STK24: variants seen among roughly 807,000 people sequenced by gnomAD.
STK24 encodes serine/threonine kinase 24, also known as serine/threonine-protein kinase 24.
A neutral mutation model predicts 55.6 loss-of-function variants in STK24; 21 were observed. The observed-to-expected ratio is 0.38, with a 90% CI of 0.27 to 0.54. The LOEUF (loss-of-function observed/expected upper bound fraction) is 0.54. STK24 is among the 20% of genes least tolerant of loss of function. STK24 has a pLI of 0.79. For synonymous variants in STK24, 200 were observed against 215.2 expected (o/e 0.93, Z 0.62); for missense variants, 383 against 538.4 (o/e 0.71, Z 2.86).
At position 98,446,629 on chromosome 13, in the gene STK24, C is replaced by A. The variant is rs1225304259; in HGVS notation, c.*6544G>T. On this transcript the variant is annotated 3_prime_UTR_variant, in exon 11 of 11. Coordinates refer to ENST00000539966, the MANE Select transcript of STK24 (RefSeq NM_001032296.4). ...AGCCAGGCCCAGCAGCAGAAGCTGA[C>A]CCCGAAAAGCCACTTTGCTTTGTTT... The A allele has an allele frequency of 6.2e-7, 1 of 1,609,036 alleles. No homozygotes were observed. Among genetic ancestry groups the A allele is most frequent in the Non-Finnish European group, 8.5e-7 (1 of 1,176,408 alleles).
intron 1 of STK24, among the ~76,000 whole-genome samples, chr13:98,523,873 G>A (rs953901451): frequency 3.7e-4 from 57 of 152,310 alleles, no homozygotes; most frequent in African/African-American, 1.4e-3. Context: ...CCCAGCGGAG[G>A]CCCCGACGGC....
intron 7 of STK24, among the ~76,000 whole-genome samples, 182 bp downstream of exon 7, chr13:98,463,509 C>T (rs1392779697): frequency 2.6e-5 from 4 of 151,856 alleles, no homozygotes; most frequent in Non-Finnish European, 5.9e-5. Context: ...CCACCAGCAA[C>T]GTCAAGAGGC....
At chr13:98,494,835 G>A (rs770467126) in intron 2 of STK24, among the ~76,000 whole-genome samples, 23 of 152,176 alleles carry the variant, frequency 1.5e-4, no homozygotes, top group Non-Finnish European at 2.2e-4. Context: ...AAGGGCACCC[G>A]CACTGAGGCA....
chr13:98,566,037 G>A, intron 1 of STK24, among the ~76,000 whole-genome samples: 1 of 152,144 alleles, frequency 6.6e-6, no homozygotes, highest in Non-Finnish European at 1.5e-5. Context: ...CTCTCACGCA[G>A]ACAACCGCCA....
intron 1 of STK24, among the ~76,000 whole-genome samples, chr13:98,537,301 C>T (rs1186031038): frequency 1.3e-5 from 2 of 152,236 alleles, no homozygotes; most frequent in African/African-American, 4.8e-5. Flanking sequence ...CAAACACACA[C>T]ACCTCATCTG....
At chr13:98,502,380 G>A (rs956992935) in intron 2 of STK24, among the ~76,000 whole-genome samples, 5 of 152,110 alleles carry the variant, frequency 3.3e-5, no homozygotes, top group African/African-American at 1.2e-4. Flanking sequence ...CTAGAAACAG[G>A]GTCTTAGGAT....
At chr13:98,559,661 C>T (rs1365481615) in intron 1 of STK24, among the ~76,000 whole-genome samples, 1 of 152,122 alleles carries the variant, frequency 6.6e-6, no homozygotes, top group African/African-American at 2.4e-5. Flanking sequence ...CAAAGCCTGA[C>T]AACACTCCCT....
intron 1 of STK24, among the ~76,000 whole-genome samples, chr13:98,545,906 A>T (rs1897018042): frequency 6.6e-6 from 1 of 152,224 alleles, no homozygotes; most frequent in African/African-American, 2.4e-5. Flanking sequence ...AAGAGAAATC[A>T]TTCAAGAAAA....
At chr13:98,537,199 A>G (rs1896760132) in intron 1 of STK24, among the ~76,000 whole-genome samples, 1 of 152,180 alleles carries the variant, frequency 6.6e-6, no homozygotes, top group Non-Finnish European at 1.5e-5. Flanking sequence ...CCACCTCTCT[A>G]GACAGTGGCC....
At chr13:98,566,672 T>C (rs984577098) in intron 1 of STK24, among the ~76,000 whole-genome samples, 1 of 152,206 alleles carries the variant, frequency 6.6e-6, no homozygotes, top group Admixed American at 6.5e-5. Flanking sequence ...TTTTCTAGAC[T>C]GACATAAATC....
At chr13:98,454,186 A>T (rs1893340959) in intron 10 of STK24, 1 of 152,246 alleles carries the variant, frequency 6.6e-6, no homozygotes. Flanking sequence ...CTGGTATGAC[A>T]ACAGAAGGCA....
At chr13:98,455,636 G>A (rs1374235852) in intron 10 of STK24, 2 of 152,300 alleles carry the variant, frequency 1.3e-5, no homozygotes, top group Non-Finnish European at 2.9e-5. Flanking sequence ...AAGAGGAACA[G>A]AGAGATAGGG....
intron 1 of STK24, among the ~76,000 whole-genome samples, chr13:98,544,127 C>A (rs892594301): frequency 1.3e-5 from 2 of 152,162 alleles, no homozygotes; most frequent in Admixed American, 6.5e-5. Context: ...GAAGAAAAGT[C>A]CATCTGCAAT....
chr13:98,508,771 A>C (rs1055410259), intron 2 of STK24: 1 of 152,212 alleles, frequency 6.6e-6, no homozygotes, highest in Non-Finnish European at 1.5e-5. Context: ...AACATACCAC[A>C]AACTAACCTT....
Position 98,539,451 on chromosome 13 carries a change from A to G in STK24, c.43-19978T>C, listed in dbSNP as rs80251048. On this transcript the variant is annotated intron_variant, in intron 1 of 10. Coordinates refer to ENST00000539966, the MANE Select transcript of STK24 (RefSeq NM_001032296.4). ...AGTGCTCTCACAGCATTTGAAAATA[A>G]TGCTAGATTTTAAAACATCACAAGT... Among the ~76,000 whole-genome samples, 18 of 144,750 alleles carry G rather than the reference A, an allele frequency of 1.2e-4. No individual in the cohort carries two copies. In the East Asian group the frequency reaches 3.5e-3, roughly 28 times the overall value. 95.0% of individuals were successfully genotyped at this position (144,750 alleles called of 152,430 possible). A position where few individuals can be genotyped will look rare whatever the true frequency, so the allele number is the denominator to read the frequency against.
chr13:98,539,971 C>G (rs1233127421), intron 1 of STK24, among the ~76,000 whole-genome samples: 5 of 152,180 alleles, frequency 3.3e-5, no homozygotes, highest in Non-Finnish European at 7.3e-5. Context: ...TAAATGTCCA[C>G]CAGCTGGAGA....
chr13:98,542,718 G>C (rs2139422314), intron 1 of STK24: 1 of 504,802 alleles, frequency 2.0e-6, no homozygotes, highest in East Asian at 1.5e-4. Flanking sequence ...CCTTGTTCCT[G>C]GAGTGAAAGT....
chr13:98,548,854 T>A (rs1348549362), intron 1 of STK24, among the ~76,000 whole-genome samples: 4 of 117,380 alleles, frequency 3.4e-5, no homozygotes, highest in East Asian at 4.7e-4. Context: ...AGAGTGAGAC[T>A]CTGTCTCAAA....
Position 98,463,718 on chromosome 13 carries a change from T to C in STK24, c.902A>G (p.Asp301Gly). Residue 301 changes from aspartate (D) to glycine (G), a missense_variant, in exon 7 of 11, where the codon GAC becomes GGC. By Grantham distance (94) the Asp-to-Gly change is moderately conservative (BLOSUM62 -1). Transcript: ENST00000539966. ...YKRWKAEQSH[D>G]DSSSEDSDAE... ...GTCGGAATCCTCGGAGCTCGAGTCG[T>C]CATGGCTCTGCTCGGCCTTCCATCT... 2 of 1,614,124 alleles carry C rather than the reference T, an allele frequency of 1.2e-6. No individual in the cohort carries two copies. The highest frequency in any genetic ancestry group is 2.7e-5 in the African/African-American group (2 of 75,040).
Sources: allele counts gnomAD v4.1 joint callset (sites outside exome capture counted in the v4.1 genomes callset), GRCh38; gene constraint gnomAD v4.1.1; transcripts MANE v1.5; gene names NCBI Gene and HGNC (gene_info 2026-07-23, HGNC 2026-07-21).